Variants in GRIP1 observed in about 807,000 individuals in gnomAD.
The protein encoded by GRIP1 is glutamate receptor-interacting protein 1.
Under a neutral mutation model 129.9 loss-of-function variants are expected in GRIP1, and 45 were observed. The observed-to-expected ratio is 0.35, with a 90% CI of 0.27 to 0.44. The LOEUF is 0.44. Ranked by LOEUF, GRIP1 falls within the 20% of genes least tolerant of loss-of-function variation. The pLI is 1.00. For synonymous variants in GRIP1, 530 were observed against 520.8 expected (o/e 1.02, Z -0.24); for missense variants, 1,196 against 1,396.8 (o/e 0.86, Z 2.29).
intron 1 of GRIP1, among the ~76,000 whole-genome samples, chr12:66,947,784 C>G (rs2041695326): frequency 6.6e-6 from 1 of 152,196 alleles, no homozygotes; most frequent in Non-Finnish European, 1.5e-5. Context: ...TGCAGGATTC[C>G]TTAGATTTAC....
chr12:66,424,130 G>A (rs1380178915), intron 14 of GRIP1, among the ~76,000 whole-genome samples: 3 of 152,126 alleles, frequency 2.0e-5, no homozygotes, highest in East Asian at 1.9e-4. Flanking sequence ...AGAATTCATC[G>A]TCGTCATGTG....
intron 1 of GRIP1, among the ~76,000 whole-genome samples, chr12:66,813,900 C>T (rs2039154173): frequency 6.6e-6 from 1 of 151,998 alleles, no homozygotes; most frequent in Admixed American, 6.6e-5. Flanking sequence ...GATGAATATT[C>T]TGGTTGTTTA....
chr12:66,605,281 C>T (rs949217044), intron 1 of GRIP1, among the ~76,000 whole-genome samples: 10 of 151,240 alleles, frequency 6.6e-5, no homozygotes, highest in Admixed American at 3.9e-4. Context: ...CTTTTTTTGC[C>T]CCTTGTTTGG....
At chr12:66,976,594 GCAAA>G (rs1386647507) in intron 1 of GRIP1, among the ~76,000 whole-genome samples, 1 of 152,052 alleles carries the variant, frequency 6.6e-6, no homozygotes, top group Non-Finnish European at 1.5e-5. Flanking sequence ...ATATCACCTG[GCAAA>G]GAACAAAAGT....
At chr12:67,023,211 A>G (rs571056745) in intron 1 of GRIP1, among the ~76,000 whole-genome samples, 3 of 152,306 alleles carry the variant, frequency 2.0e-5, no homozygotes, top group Admixed American at 6.5e-5. Flanking sequence ...TGCCTAACCC[A>G]AAGTCATAAA....
chr12:66,549,327 G>A (rs1195010243), intron 2 of GRIP1, among the ~76,000 whole-genome samples: 2 of 152,102 alleles, frequency 1.3e-5, no homozygotes, highest in Non-Finnish European at 2.9e-5. Context: ...CTGAACAGGA[G>A]CAGACAGAGT....
intron 19 of GRIP1, among the ~76,000 whole-genome samples, chr12:66,388,806 T>C (rs1363874425): frequency 6.6e-6 from 1 of 152,236 alleles, no homozygotes; most frequent in Non-Finnish European, 1.5e-5. Context: ...TTTGTTTATT[T>C]GTTAACTGAC....
intron 23 of GRIP1, among the ~76,000 whole-genome samples, chr12:66,359,369 T>A (rs1050291152): frequency 6.6e-6 from 1 of 152,198 alleles, no homozygotes; most frequent in Non-Finnish European, 1.5e-5. Context: ...CATGACTCTA[T>A]TGGCCTGTGA....
At chr12:66,447,849 T>C (rs1208327721) in intron 11 of GRIP1, among the ~76,000 whole-genome samples, 1 of 152,266 alleles carries the variant, frequency 6.6e-6, no homozygotes, top group Non-Finnish European at 1.5e-5. Context: ...AATGACTTCC[T>C]GACTTCTAAA....
chr12:66,553,229 C>T (rs1225313708), intron 2 of GRIP1, among the ~76,000 whole-genome samples: 1 of 152,120 alleles, frequency 6.6e-6, no homozygotes, highest in Non-Finnish European at 1.5e-5. Context: ...TTTATTAGTA[C>T]CTCAATCACC....
At chr12:66,705,968 G>A (rs1413024719) in intron 1 of GRIP1, among the ~76,000 whole-genome samples, 2 of 152,076 alleles carry the variant, frequency 1.3e-5, no homozygotes, top group African/African-American at 4.8e-5. Context: ...GAAAACCTAG[G>A]CAATACCAAT....
At chr12:66,997,359 G>A (rs534749483) in intron 1 of GRIP1, among the ~76,000 whole-genome samples, 2 of 152,102 alleles carry the variant, frequency 1.3e-5, no homozygotes, top group East Asian at 1.9e-4. Context: ...TGAGAGGATC[G>A]CTTGAGCCCA....
intron 11 of GRIP1, among the ~76,000 whole-genome samples, chr12:66,454,363 G>C (rs2058891892): frequency 6.6e-6 from 1 of 152,168 alleles, no homozygotes; most frequent in South Asian, 2.1e-4. Flanking sequence ...CCCATGGTGA[G>C]CACAGGAAGA....
intron 1 of GRIP1, among the ~76,000 whole-genome samples, chr12:66,620,198 C>T (rs750641440): frequency 5.3e-5 from 8 of 152,130 alleles, no homozygotes; most frequent in Non-Finnish European, 7.3e-5. Flanking sequence ...GTGCAAGTAA[C>T]GGTACCCTGG....
chr12:66,392,214 G>A lies in GRIP1; in HGVS notation c.2464+94C>T, dbSNP rs900017812. The A allele has an allele frequency of 1.2e-4, 91 of 790,130 alleles. No homozygotes were observed. The African/African-American group carries it at 1.3e-3, about 11-fold the overall frequency. 48.9% of individuals were successfully genotyped at this position (790,130 alleles called of 1,614,324 possible). On this transcript the variant is annotated intron_variant, in intron 19 of 24. Coordinates refer to ENST00000359742, the MANE Select transcript of GRIP1 (RefSeq NM_001366722.1). ...TGCACCAAAGCAGACACAAGTTAAA[G>A]AAAGATATTCTCCTCATGGAGCAGA...
chr12:67,011,612 T>C (rs536272148), intron 1 of GRIP1, among the ~76,000 whole-genome samples: 3 of 140,262 alleles, frequency 2.1e-5, no homozygotes, highest in Non-Finnish European at 4.7e-5. Context: ...ATATCCTCTA[T>C]TTTTTTTTTT....
Position 66,947,332 on chromosome 12 carries a change from C to A in GRIP1, c.58+121718G>T, listed in dbSNP as rs1047636838. Among the ~76,000 whole-genome samples the A allele has an allele frequency of 3.3e-5, 5 of 152,292 alleles. 1 individual carries two copies. The highest frequency in any genetic ancestry group is 6.8e-3 in the Middle Eastern group (2 of 294). ...GGACTGGTGTGGTCTGCATATTAAT[C>A]ATCCCTCCCAGACCCCTGTCATCAT... On this transcript the variant is annotated intron_variant, in intron 1 of 1. Transcript: ENST00000643019.
intron 1 of GRIP1, among the ~76,000 whole-genome samples, chr12:66,991,702 G>A (rs1431825255): frequency 6.6e-6 from 1 of 152,102 alleles, no homozygotes; most frequent in Non-Finnish European, 1.5e-5. Flanking sequence ...GAGACAGCTG[G>A]ATATTTAATG....
At chr12:67,039,362 A>G (rs549979832) in intron 1 of GRIP1, among the ~76,000 whole-genome samples, 50 of 152,300 alleles carry the variant, frequency 3.3e-4, no homozygotes, top group African/African-American at 1.2e-3. Flanking sequence ...CACAAAAAAA[A>G]TTCTAAATAG....
Sources: allele counts gnomAD v4.1 joint callset (sites outside exome capture counted in the v4.1 genomes callset), GRCh38; gene constraint gnomAD v4.1.1; transcripts MANE v1.5; gene names NCBI Gene and HGNC (gene_info 2026-07-23, HGNC 2026-07-21).